Variants in MYRIP observed in about 807,000 individuals in gnomAD.
MYRIP encodes the protein rab effector MyRIP.
A neutral mutation model predicts 98.0 loss-of-function variants in MYRIP; 49 were observed. The ratio of observed to expected loss-of-function variants is 0.50; its 90% CI spans 0.40 to 0.63. MYRIP has a LOEUF of 0.63. Ranked by LOEUF, MYRIP falls within the 30% of genes least tolerant of loss-of-function variation. MYRIP has a pLI of 0.00. For synonymous variants in MYRIP, 404 were observed against 409.5 expected (o/e 0.99, Z 0.16); for missense variants, 1,004 against 1,058.2 (o/e 0.95, Z 0.71).
At chr3:40,088,772 G>A (rs1220264059) in intron 3 of MYRIP, among the ~76,000 whole-genome samples, 1 of 152,252 alleles carries the variant, frequency 6.6e-6, no homozygotes, top group East Asian at 1.9e-4. Context: ...CTGGTAGGGA[G>A]TAGGATTATC....
chr3:40,231,185 G>A (rs1223797501), intron 11 of MYRIP, among the ~76,000 whole-genome samples: 1 of 152,214 alleles, frequency 6.6e-6, no homozygotes, highest in Non-Finnish European at 1.5e-5. Flanking sequence ...AGGTCTTTAA[G>A]CAGACCTCAG....
intron 13 of MYRIP, among the ~76,000 whole-genome samples, chr3:40,245,589 C>T (rs1202516886): frequency 7.3e-6 from 1 of 137,812 alleles, no homozygotes; most frequent in East Asian, 2.3e-4. Flanking sequence ...GCAGAGCTTG[C>T]AGTGAGCCAA....
At chr3:40,235,557 A>C (rs562457356) in intron 12 of MYRIP, among the ~76,000 whole-genome samples, 1 of 152,376 alleles carries the variant, frequency 6.6e-6, no homozygotes, top group East Asian at 1.9e-4. Context: ...ACACTTGAGA[A>C]AGAAAGGAAA....
intron 3 of MYRIP, among the ~76,000 whole-genome samples, chr3:40,141,792 C>T (rs1171203705): frequency 6.6e-6 from 1 of 152,134 alleles, no homozygotes; most frequent in Admixed American, 6.5e-5. Context: ...CTACTCTGCT[C>T]TATTGGTTTA....
intron 12 of MYRIP, among the ~76,000 whole-genome samples, chr3:40,239,076 G>A (rs1354556331): frequency 3.4e-5 from 4 of 117,958 alleles, no homozygotes; most frequent in Admixed American, 1.2e-4. Flanking sequence ...CCCCACAACA[G>A]TCCTCAGAGT....
Position 40,157,003 on chromosome 3 carries a change from T to C in MYRIP, c.470-5727T>C, listed in dbSNP as rs1353006491. Among the ~76,000 whole-genome samples, 2 of 152,102 alleles carry C rather than the reference T, an allele frequency of 1.3e-5. 1 individual carries two copies. The highest frequency in any genetic ancestry group is 2.9e-5 in the Non-Finnish European group (2 of 68,040). ...CCCTTTATTTCCTTCTCCTGGCTAATTGCTCTGGCCAGAACTTCCAACACT... is the reference window on the plus strand; with the variant it reads ...CCCTTTATTTCCTTCTCCTGGCTAACTGCTCTGGCCAGAACTTCCAACACT... On this transcript the variant is annotated intron_variant, in intron 4 of 16. Transcript: ENST00000302541.
chr3:40,202,906 C>T (rs368806508), intron 10 of MYRIP, among the ~76,000 whole-genome samples: 62 of 142,510 alleles, frequency 4.4e-4, no homozygotes, highest in Middle Eastern at 3.6e-3. Context: ...CCTCCATTTA[C>T]TTATTTATTT....
intron 2 of MYRIP, among the ~76,000 whole-genome samples, chr3:39,921,901 AAAG>A (rs1944312021): frequency 6.6e-6 from 1 of 151,674 alleles, no homozygotes; most frequent in South Asian, 2.1e-4. Context: ...AAAAAAAAAA[AAAG>A]TGTTGACGGC....
chr3:39,848,700 A>G (rs545244144), intron 1 of MYRIP, among the ~76,000 whole-genome samples: 3 of 152,352 alleles, frequency 2.0e-5, no homozygotes, highest in African/African-American at 7.2e-5. Flanking sequence ...CATGTCAGAC[A>G]TGTAAACATG....
chr3:39,955,203 A>G (rs191873677), intron 2 of MYRIP, among the ~76,000 whole-genome samples: 3 of 152,302 alleles, frequency 2.0e-5, no homozygotes, highest in African/African-American at 7.2e-5. Context: ...CGAGAAGAGC[A>G]ACTCCATGAC....
intron 2 of MYRIP, among the ~76,000 whole-genome samples, chr3:39,909,793 A>G (rs1943973145): frequency 6.6e-6 from 1 of 152,170 alleles, no homozygotes; most frequent in Non-Finnish European, 1.5e-5. Flanking sequence ...AGATAATTCT[A>G]CTTCACTGTT....
In MYRIP at chr3:40,107,661, G is replaced by T. The variant is rs55769041; in HGVS notation, c.333-43387G>T. Among the ~76,000 whole-genome samples, 1,365 of 152,230 alleles carry T rather than the reference G, an allele frequency of 9.0e-3. 6 individuals carry two copies. Among genetic ancestry groups the T allele is most frequent in the Non-Finnish European group, 0.014 (977 of 68,018 alleles). On this transcript the variant is annotated intron_variant, in intron 3 of 16. Coordinates refer to ENST00000302541, the MANE Select transcript of MYRIP (RefSeq NM_015460.4). ...TCTCTGGCCAGAGCAAAAATTATAG[G>T]TATCCCTGAACAAAGCTAACTGAAA...
rs554302365 is a variant in MYRIP, at chr3:39,890,230, A to G, written c.-30-10557A>G. ...TCTTGTCTCTTCATCTGCTGTTGCC[A>G]CTATGTTTCTTACTTTGTTTTAGTA... On this transcript the variant is annotated intron_variant, in intron 1 of 16. Transcript: ENST00000302541. 1.4e-4 allele frequency among the ~76,000 whole-genome samples: 21 copies of G among 151,216 alleles called. 1 individual carries two copies. The Middle Eastern group carries it at 0.017, about 122-fold the overall frequency.
Position 40,259,374 on chromosome 3 carries a change from T to TA in MYRIP, c.*1212dup, listed in dbSNP as rs1419765728. The TA allele has an allele frequency of 6.6e-6, 1 of 152,170 alleles. No homozygotes were observed. Among genetic ancestry groups the TA allele is most frequent in the Non-Finnish European group, 1.5e-5 (1 of 68,030 alleles). The allele number at this position is 152,170 out of a possible 1,614,324, so 9.4% of individuals were successfully genotyped here. On this transcript the variant is annotated 3_prime_UTR_variant, in exon 17 of 17. Transcript: ENST00000302541. ...TATAGTCTGAATCTTAGGAAGAAGG[T>TA]AAAAGAAAGGAGGCAAGAGAATAGT...
intron 2 of MYRIP, among the ~76,000 whole-genome samples, chr3:39,984,583 T>C (rs1018988834): frequency 7.2e-5 from 11 of 152,354 alleles, no homozygotes; most frequent in Admixed American, 2.6e-4. Context: ...TGCATAGTAT[T>C]CCATGGTGTA....
chr3:39,896,483 G>A (rs1943614214), intron 1 of MYRIP, among the ~76,000 whole-genome samples: 1 of 152,178 alleles, frequency 6.6e-6, no homozygotes, highest in African/African-American at 2.4e-5. Flanking sequence ...CATTATTAGT[G>A]TTGTTGTTTT....
chr3:40,175,761 T>C (rs146848159), intron 8 of MYRIP, among the ~76,000 whole-genome samples: 1 of 152,376 alleles, frequency 6.6e-6, no homozygotes, highest in Admixed American at 6.5e-5. Flanking sequence ...AAAAAGCCTG[T>C]GCCAGGAGAG....
chr3:40,168,774 C>G (rs530734337), intron 7 of MYRIP, among the ~76,000 whole-genome samples: 25 of 152,244 alleles, frequency 1.6e-4, no homozygotes, highest in African/African-American at 5.8e-4. Flanking sequence ...CTGACTCCCC[C>G]CTCTCATCTC....
intron 4 of MYRIP, among the ~76,000 whole-genome samples, chr3:40,156,290 A>T (rs1950236260): frequency 6.6e-6 from 1 of 152,256 alleles, no homozygotes; most frequent in Non-Finnish European, 1.5e-5. Context: ...TTTGTGAAAG[A>T]TCAGATAGTT....
Sources: gnomAD v4.1 joint callset for allele counts (sites outside exome capture counted in the v4.1 genomes callset) on GRCh38, gnomAD v4.1.1 for gene constraint, MANE v1.5 for transcripts, NCBI Gene and HGNC (gene_info 2026-07-23, HGNC 2026-07-21) for gene names.